The following GABRG3 variants were observed in gnomAD, a reference collection of about 807,000 sequenced individuals.
The protein encoded by GABRG3 is gamma-aminobutyric acid type A receptor subunit gamma3.
GABRG3 carries 25 observed loss-of-function variants against 48.8 expected under a neutral mutation model. The observed-to-expected ratio is 0.51, with a 90% CI of 0.37 to 0.72. The LOEUF (loss-of-function observed/expected upper bound fraction) is 0.72. GABRG3 is among the 30% of genes least tolerant of loss of function. GABRG3 has a pLI of 0.00. For synonymous variants in GABRG3, 227 were observed against 217.6 expected (o/e 1.04, Z -0.38); for missense variants, 394 against 577.9 (o/e 0.68, Z 3.26).
chr15:27,015,839 TCTG>T (rs1895769378), intron 2 of GABRG3, among the ~76,000 whole-genome samples: 1 of 152,168 alleles, frequency 6.6e-6, no homozygotes, highest in Admixed American at 6.5e-5. Flanking sequence ...TTATATTTCT[TCTG>T]CTGTTGATTT....
chr15:27,440,123 G>A (rs775889988), intron 5 of GABRG3, among the ~76,000 whole-genome samples: 3 of 152,112 alleles, frequency 2.0e-5, no homozygotes, highest in Non-Finnish European at 4.4e-5. Flanking sequence ...TACAGGCACC[G>A]GCCCTGCCAC....
At chr15:27,143,602 A>C (rs892568772) in intron 3 of GABRG3, among the ~76,000 whole-genome samples, 7 of 152,226 alleles carry the variant, frequency 4.6e-5, no homozygotes, top group Admixed American at 4.6e-4. Flanking sequence ...GATATTTCAC[A>C]ACAACATTTG....
chr15:27,323,186 G>A (rs979669953), intron 3 of GABRG3, among the ~76,000 whole-genome samples: 5 of 152,206 alleles, frequency 3.3e-5, no homozygotes, highest in South Asian at 2.1e-4. Context: ...GAAATTGTTA[G>A]TGGAGGGTCC....
intron 5 of GABRG3, among the ~76,000 whole-genome samples, chr15:27,394,728 T>C (rs1887247773): frequency 6.6e-6 from 1 of 152,208 alleles, no homozygotes; most frequent in Non-Finnish European, 1.5e-5. Flanking sequence ...AATACAAAAT[T>C]CTTGGTTGAC....
intron 5 of GABRG3, among the ~76,000 whole-genome samples, chr15:27,368,192 A>G (rs1393917009): frequency 6.6e-6 from 1 of 152,198 alleles, no homozygotes; most frequent in Non-Finnish European, 1.5e-5. Flanking sequence ...GTCAAGATCA[A>G]GGTGTGAGTT....
intron 3 of GABRG3, among the ~76,000 whole-genome samples, chr15:27,280,076 T>A (rs2140478974): frequency 6.6e-6 from 1 of 152,110 alleles, no homozygotes; most frequent in Non-Finnish European, 1.5e-5. Context: ...AACTAGTGAT[T>A]TTTTTTAATT....
intron 6 of GABRG3, among the ~76,000 whole-genome samples, chr15:27,481,782 TA>T (rs1300348427): frequency 6.6e-6 from 1 of 152,154 alleles, no homozygotes; most frequent in East Asian, 1.9e-4. Flanking sequence ...CGATGTTAAA[TA>T]ATGGAACACC....
At chr15:27,102,808 C>T (rs1287834091) in intron 3 of GABRG3, among the ~76,000 whole-genome samples, 1 of 151,948 alleles carries the variant, frequency 6.6e-6, no homozygotes, top group East Asian at 1.9e-4. Flanking sequence ...TCTTATTTAC[C>T]GACATAAGTA....
Position 27,541,741 on chromosome 15 carries a change from C to T in GABRG3, c.*8860C>T, listed in dbSNP as rs1038633986. On this transcript the variant is annotated 3_prime_UTR_variant, in exon 10 of 10. Transcript: ENST00000615808. ...TCCGGGCGGTCCCGAGGTCCCGCCG[C>T]CCTCCTCCCCTGCGCAGAGGACGTG... 6.6e-6 allele frequency: 1 copy of T among 152,286 alleles called. No homozygotes were observed. The highest frequency in any genetic ancestry group is 1.9e-4 in the East Asian group (1 of 5,156). 9.4% of individuals were successfully genotyped at this position (152,286 alleles called of 1,614,324 possible).
chr15:27,501,119 T>C (rs1009941596), intron 6 of GABRG3, among the ~76,000 whole-genome samples: 12 of 151,938 alleles, frequency 7.9e-5, no homozygotes, highest in South Asian at 4.2e-4. Flanking sequence ...GCCCAGCAAA[T>C]TTTTTGTATT....
chr15:27,541,729 G>C lies in GABRG3; in HGVS notation c.*8848G>C, dbSNP rs1281835719. The C allele has an allele frequency of 6.6e-6, 1 of 152,248 alleles. No individual in the cohort carries two copies. The highest frequency in any genetic ancestry group is 2.4e-5 in the African/African-American group (1 of 41,454). The allele number at this position is 152,248 out of a possible 1,614,324, so 9.4% of individuals were successfully genotyped here. ...GGAGGCCCTGGCTCCGGGCGGTCCC[G>C]AGGTCCCGCCGCCCTCCTCCCCTGC... On this transcript the variant is annotated 3_prime_UTR_variant, in exon 10 of 10. Transcript: ENST00000615808.
At chr15:27,211,989 A>C (rs969490377) in intron 3 of GABRG3, among the ~76,000 whole-genome samples, 3 of 152,202 alleles carry the variant, frequency 2.0e-5, no homozygotes, top group Non-Finnish European at 4.4e-5. Flanking sequence ...ACCCAGCTAC[A>C]GTGAAGAAGA....
At chr15:27,449,961 C>T (rs1288103331) in intron 5 of GABRG3, among the ~76,000 whole-genome samples, 1 of 152,202 alleles carries the variant, frequency 6.6e-6, no homozygotes, top group Non-Finnish European at 1.5e-5. Context: ...ACATATGTCA[C>T]TCTTTTAAAA....
chr15:27,172,927 A>C (rs1173319039), intron 3 of GABRG3, among the ~76,000 whole-genome samples: 2 of 152,140 alleles, frequency 1.3e-5, no homozygotes, highest in African/African-American at 4.8e-5. Context: ...ATCCAGGATT[A>C]ATTAGTGGGT....
At chr15:27,211,926 C>T (rs998588505) in intron 3 of GABRG3, among the ~76,000 whole-genome samples, 11 of 152,186 alleles carry the variant, frequency 7.2e-5, no homozygotes, top group African/African-American at 2.2e-4. Flanking sequence ...GAAACTAGTT[C>T]TTGTTTGCTG....
At position 27,127,910 on chromosome 15, in the gene GABRG3, C is replaced by T. The variant is rs887163503; in HGVS notation, c.270+101089C>T. On this transcript the variant is annotated intron_variant, in intron 3 of 9. Transcript: ENST00000615808. Reference sequence around the variant, plus strand: ...GGGTGGAGATGAGCCTGGACAGCTGCTCTGTCCTGTGAGCCAGCCACGTGG... The same window carrying T: ...GGGTGGAGATGAGCCTGGACAGCTGTTCTGTCCTGTGAGCCAGCCACGTGG... Among the ~76,000 whole-genome samples the T allele has an allele frequency of 5.9e-5, 9 of 152,330 alleles. No homozygotes were observed. In the South Asian group the frequency reaches 1.4e-3, roughly 25 times the overall value.
chr15:27,383,424 A>G (rs1895835724), intron 5 of GABRG3, among the ~76,000 whole-genome samples: 1 of 152,196 alleles, frequency 6.6e-6, no homozygotes, highest in Non-Finnish European at 1.5e-5. Context: ...CTGCACGTCT[A>G]GGCTGTGGCT....
chr15:27,350,676 TG>T (rs999792804), intron 5 of GABRG3, among the ~76,000 whole-genome samples: 38 of 152,104 alleles, frequency 2.5e-4, no homozygotes, highest in African/African-American at 9.2e-4. Context: ...CGGTGCATGA[TG>T]GGCCCAGGAG....
chr15:27,114,847 A>G (rs1897615171), intron 3 of GABRG3, among the ~76,000 whole-genome samples: 1 of 151,964 alleles, frequency 6.6e-6, no homozygotes, highest in Admixed American at 6.6e-5. Flanking sequence ...CAGAAGGATT[A>G]TTCTATTTGC....
Sources: allele counts gnomAD v4.1 joint callset (sites outside exome capture counted in the v4.1 genomes callset), GRCh38; gene constraint gnomAD v4.1.1; transcripts MANE v1.5; gene names NCBI Gene and HGNC (gene_info 2026-07-23, HGNC 2026-07-21).